ARB2A: variants seen among roughly 807,000 people sequenced by gnomAD.
The protein encoded by ARB2A is ARB2 cotranscriptional regulator A.
At chr5:93,619,148 C>T in the ARB2A span, 1 of 152,152 alleles carries the variant, frequency 6.6e-6, no homozygotes. Flanking sequence ...CATTATTTTA[C>T]ACAGTTCACC....
the ARB2A span, among the ~76,000 whole-genome samples, chr5:93,701,848 T>C: frequency 6.6e-6 from 1 of 152,190 alleles, no homozygotes; most frequent in African/African-American, 2.4e-5. Flanking sequence ...ATGGCTTACT[T>C]GCCTGCCGTA....
the ARB2A span, among the ~76,000 whole-genome samples, chr5:93,917,974 C>T: frequency 5.3e-5 from 8 of 152,286 alleles, no homozygotes; most frequent in African/African-American, 1.9e-4. Context: ...CTTTTCAAGA[C>T]TCAGCCCTCA....
At chr5:93,783,354 G>A in the ARB2A span, among the ~76,000 whole-genome samples, 2 of 152,162 alleles carry the variant, frequency 1.3e-5, no homozygotes, top group African/African-American at 2.4e-5. Context: ...ACTTTTGTAT[G>A]ATGAAAGTAC....
the ARB2A span, among the ~76,000 whole-genome samples, chr5:94,098,575 T>C: frequency 6.6e-6 from 1 of 151,812 alleles, no homozygotes; most frequent in African/African-American, 2.4e-5. Context: ...ACTGAAAGAA[T>C]GAGAGAAACA....
At chr5:93,885,200 C>T in the ARB2A span, among the ~76,000 whole-genome samples, 2 of 151,446 alleles carry the variant, frequency 1.3e-5, no homozygotes, top group African/African-American at 4.8e-5. Context: ...AGAAGAGATG[C>T]TAGTGTGACC....
chr5:93,761,378 G>A, the ARB2A span, among the ~76,000 whole-genome samples: 27 of 152,168 alleles, frequency 1.8e-4, 1 homozygote, highest in Admixed American at 1.4e-3. Context: ...CTTTTCCAAT[G>A]GTCTCAGCAA....
the ARB2A span, among the ~76,000 whole-genome samples, chr5:93,933,633 C>G: frequency 2.0e-5 from 3 of 151,966 alleles, no homozygotes; most frequent in African/African-American, 7.3e-5. Context: ...AGGGGAATAT[C>G]ACACACTGGG....
chr5:93,821,736 C>A, the ARB2A span, among the ~76,000 whole-genome samples: 1 of 151,818 alleles, frequency 6.6e-6, no homozygotes, highest in Non-Finnish European at 1.5e-5. Flanking sequence ...ACACAGTGGA[C>A]CTAAACATAT....
the ARB2A span, chr5:93,683,570 C>G: frequency 6.9e-7 from 1 of 1,445,714 alleles, no homozygotes; most frequent in Non-Finnish European, 9.6e-7. Flanking sequence ...TGCACCAGCC[C>G]TAAACTGGCC....
chr5:93,989,576 A>G, the ARB2A span, among the ~76,000 whole-genome samples: 8 of 152,232 alleles, frequency 5.3e-5, no homozygotes, highest in East Asian at 1.9e-4. Context: ...TCCTTTCCAC[A>G]ATATTCTTTG....
At chr5:93,728,380 A>G in the ARB2A span, among the ~76,000 whole-genome samples, 1 of 152,102 alleles carries the variant, frequency 6.6e-6, no homozygotes, top group Non-Finnish European at 1.5e-5. Flanking sequence ...GTGTTCCATG[A>G]TAATCAACAG....
chr5:94,013,891 T>G, the ARB2A span, among the ~76,000 whole-genome samples: 1 of 152,152 alleles, frequency 6.6e-6, no homozygotes, highest in Admixed American at 6.5e-5. Context: ...GACTTCTATT[T>G]CTGTGATGCC....
chr5:94,008,606 A>G, the ARB2A span, among the ~76,000 whole-genome samples: 3 of 152,260 alleles, frequency 2.0e-5, no homozygotes, highest in East Asian at 5.8e-4. Flanking sequence ...AAAATTTTCT[A>G]TCACAGAAAA....
the ARB2A span, among the ~76,000 whole-genome samples, chr5:93,966,557 G>A: frequency 6.6e-6 from 1 of 152,100 alleles, no homozygotes; most frequent in Admixed American, 6.6e-5. Flanking sequence ...TCAAGTAAGA[G>A]TTGGAGAAAC....
At chr5:93,808,150 T>C in the ARB2A span, among the ~76,000 whole-genome samples, 1 of 152,134 alleles carries the variant, frequency 6.6e-6, no homozygotes, top group Non-Finnish European at 1.5e-5. Context: ...AGTAAATATA[T>C]ACTGATGAAT....
the ARB2A span, chr5:93,741,384 C>G: frequency 6.2e-7 from 1 of 1,612,692 alleles, no homozygotes; most frequent in Non-Finnish European, 8.5e-7. Context: ...GAATCCTCCA[C>G]ACGTCAGGGC....
chr5:94,077,719 G>T, the ARB2A span, among the ~76,000 whole-genome samples: 1 of 152,196 alleles, frequency 6.6e-6, no homozygotes, highest in Non-Finnish European at 1.5e-5. Context: ...TGGAGGTTAG[G>T]TTATAGAGAA....
chr5:93,677,313 T>G, the ARB2A span, among the ~76,000 whole-genome samples: 1 of 152,214 alleles, frequency 6.6e-6, no homozygotes, highest in Non-Finnish European at 1.5e-5. Context: ...CTGACTGTCT[T>G]AACAGTATAC....
the ARB2A span, among the ~76,000 whole-genome samples, chr5:93,778,535 A>C: frequency 6.6e-6 from 1 of 152,208 alleles, no homozygotes; most frequent in African/African-American, 2.4e-5. Flanking sequence ...TCAATGAAGA[A>C]TGACTTTCTC....
Sources: gnomAD v4.1 joint callset for allele counts (sites outside exome capture counted in the v4.1 genomes callset) on GRCh38, gnomAD v4.1.1 for gene constraint, MANE v1.5 for transcripts, NCBI Gene and HGNC (gene_info 2026-07-23, HGNC 2026-07-21) for gene names.